The following MAPT variants were observed in gnomAD, a reference collection of about 807,000 sequenced individuals.
The protein encoded by MAPT is microtubule associated protein tau, also known as microtubule-associated protein tau.
A neutral mutation model predicts 67.9 loss-of-function variants in MAPT; 34 were observed. That is an observed-to-expected ratio of 0.50 (90% CI 0.38 to 0.67). The LOEUF is 0.67. MAPT is among the 30% of genes least tolerant of loss of function. The probability of loss-of-function intolerance (pLI) is 0.00; values close to 1 mark genes in which losing one functional copy is unlikely to be tolerated. For synonymous variants in MAPT, 456 were observed against 464.5 expected (o/e 0.98, Z 0.23); for missense variants, 881 against 1,115.2 (o/e 0.79, Z 2.99).
At chr17:45,999,361 G>T in intron 9 of MAPT, 1 of 1,614,014 alleles carries the variant, frequency 6.2e-7, no homozygotes, top group East Asian at 2.2e-5. Flanking sequence ...CATTGAATGC[G>T]GGGTTAATTT....
intron 1 of MAPT, among the ~76,000 whole-genome samples, chr17:45,932,504 C>T (rs1045327472): frequency 1.3e-5 from 2 of 149,104 alleles, no homozygotes; most frequent in Non-Finnish European, 3.0e-5. Flanking sequence ...GCAGGAGAAT[C>T]GCTTGCACCT....
intron 1 of MAPT, among the ~76,000 whole-genome samples, chr17:45,954,243 C>G (rs956762779): frequency 4.6e-5 from 7 of 152,178 alleles, no homozygotes; most frequent in African/African-American, 1.7e-4. Flanking sequence ...TATTTATGCT[C>G]GATGGCTGCT....
chr17:45,896,915 CTG>C lies in MAPT; in HGVS notation c.-18+2230_-18+2231del, dbSNP rs1343087576. On this transcript the variant is annotated intron_variant, in intron 1 of 12. Transcript: ENST00000262410. The surrounding 1 kb of genome is among the most constrained non-coding windows in gnomAD (Gnocchi z 5.6). ...TTCTGGTTAATTCTATCGCTGAAAA[CTG>C]GTGCGGGGGGCGCACTTCTGAGACG... The C allele has an allele frequency of 2.6e-5, 4 of 152,194 alleles. No individual in the cohort carries two copies. The highest frequency in any genetic ancestry group is 9.7e-5 in the African/African-American group (4 of 41,446). 9.4% of individuals were successfully genotyped at this position (152,194 alleles called of 1,614,324 possible).
In MAPT at chr17:45,971,447, G is replaced by A. The variant is rs956217456; in HGVS notation, c.134-412G>A. Among the ~76,000 whole-genome samples the A allele has an allele frequency of 2.6e-5, 4 of 152,184 alleles. No individual in the cohort carries two copies. The highest frequency in any genetic ancestry group is 2.0e-4 in the Admixed American group (3 of 15,284). On this transcript the variant is annotated intron_variant, in intron 2 of 12. Transcript: ENST00000262410. The surrounding 1 kb of genome is among the most constrained non-coding windows in gnomAD (Gnocchi z 4.3). ...CCTTTTCCAAGGAAGGGGTTGGATC[G>A]CTGAGTGTTTTTCCAGGTGTCTACT...
At position 45,978,574 on chromosome 17, in the gene MAPT, A is replaced by G. The variant is rs192337587; in HGVS notation, c.286+134A>G. On this transcript the variant is annotated intron_variant, in intron 4 of 12. Transcript: ENST00000262410. Reference sequence around the variant, plus strand: ...AGGAGATTTTAGGGAGTTGGTTCTTATCAAAGGTTGGCTACTCAGATATAG... The same window carrying G: ...AGGAGATTTTAGGGAGTTGGTTCTTGTCAAAGGTTGGCTACTCAGATATAG... 257 of 697,794 alleles carry G rather than the reference A, an allele frequency of 3.7e-4. 1 individual carries two copies. The East Asian group carries it at 6.7e-3, about 18-fold the overall frequency. 43.2% of individuals were successfully genotyped at this position (697,794 alleles called of 1,614,324 possible).
At position 45,920,169 on chromosome 17, in the gene MAPT, G is replaced by T. The variant is rs943395919; in HGVS notation, c.-18+25483G>T. Reference sequence around the variant, plus strand: ...TCTTTGTACACGTCCGGCGGCTCTGGTGCCTATTTTTGTTTGTGTTTTTCT... The same window carrying T: ...TCTTTGTACACGTCCGGCGGCTCTGTTGCCTATTTTTGTTTGTGTTTTTCT... On this transcript the variant is annotated intron_variant, in intron 1 of 12. Coordinates refer to ENST00000262410, the MANE Select transcript of MAPT (RefSeq NM_001377265.1). Among the ~76,000 whole-genome samples the T allele has an allele frequency of 5.3e-5, 8 of 152,292 alleles. No individual in the cohort carries two copies. In the South Asian group the frequency reaches 1.7e-3, roughly 32 times the overall value.
chr17:45,976,600 TG>T (rs1450659849), intron 3 of MAPT: 3 of 152,424 alleles, frequency 2.0e-5, no homozygotes, highest in African/African-American at 7.2e-5. Context: ...GGGTGCAGTG[TG>T]GCCACCCCCT....
intron 8 of MAPT, among the ~76,000 whole-genome samples, chr17:45,992,492 A>C (rs1255160795): frequency 6.6e-6 from 1 of 152,198 alleles, no homozygotes; most frequent in Non-Finnish European, 1.5e-5. Flanking sequence ...CTGAGCAGTC[A>C]CAGGCTGGGC....
At chr17:46,009,364 T>TGCAGGGACAGAGCCCTCGTA (rs1379895869) in intron 9 of MAPT, among the ~76,000 whole-genome samples, 4 of 114,860 alleles carry the variant, frequency 3.5e-5, no homozygotes, top group Non-Finnish European at 4.6e-5. Flanking sequence ...ATTTCATAGT[T>TGCAGGGACAGAGCCCTCGTA]CTTAGGCAAA....
intron 1 of MAPT, among the ~76,000 whole-genome samples, chr17:45,960,382 G>A (rs928227825): frequency 6.6e-5 from 10 of 152,292 alleles, no homozygotes; most frequent in Non-Finnish European, 1.3e-4. Flanking sequence ...CCTCACTCCC[G>A]TACAGCCCCC....
rs1482688855 is a variant in MAPT, at chr17:45,996,941, C to T, written c.1998+277C>T. On this transcript the variant is annotated intron_variant, in intron 9 of 12. Transcript: ENST00000262410. This position sits in a 1 kb window ranked among gnomAD's most constrained non-coding sequence, Gnocchi z 4.5. ...AGAACGTTCTGGCTCTTCTCTTGCC[C>T]CTTCAGCCCCTGTTAATCGGACAGA... Among the ~76,000 whole-genome samples, 1 of 152,216 alleles carries T rather than the reference C, an allele frequency of 6.6e-6. No individual in the cohort carries two copies. The highest frequency in any genetic ancestry group is 1.5e-5 in the Non-Finnish European group (1 of 68,042).
rs188817542 is a variant in MAPT, at chr17:45,923,651, G to A, written c.-18+28965G>A. The stretch of plus-strand genomic sequence containing the variant: ...ATGCGACCTTGGCCTACCCACTTTA[G>A]CTTTTAGTAATAGCTCCCTTCTTGA... On this transcript the variant is annotated intron_variant, in intron 1 of 12. Transcript: ENST00000262410. Among the ~76,000 whole-genome samples, 706 of 152,312 alleles carry A rather than the reference G, an allele frequency of 4.6e-3. 5 individuals are homozygous for A. Among genetic ancestry groups the A allele is most frequent in the Non-Finnish European group, 7.8e-3 (533 of 68,020 alleles).
At chr17:45,947,284 T>C (rs1040658005) in intron 1 of MAPT, among the ~76,000 whole-genome samples, 1 of 152,086 alleles carries the variant, frequency 6.6e-6, no homozygotes, top group Non-Finnish European at 1.5e-5. Flanking sequence ...AAGCTCAAAG[T>C]TGGGGACCAG....
Position 46,024,635 on chromosome 17 carries a change from G to A in MAPT, c.*464G>A, listed in dbSNP as rs17574005. 5,032 of 239,084 alleles carry A rather than the reference G, an allele frequency of 0.021. 111 individuals are homozygous for A. Among genetic ancestry groups the A allele is most frequent in the South Asian group, 0.056 (1,051 of 18,880 alleles). The allele number at this position is 239,084 out of a possible 1,614,324, so 14.8% of individuals were successfully genotyped here. Reference sequence around the variant, plus strand: ...AAAGGATTTGAAACTTGGTGTGTTCGTGGAGCCACAGGCAGACGATGTCAA... The same window carrying A: ...AAAGGATTTGAAACTTGGTGTGTTCATGGAGCCACAGGCAGACGATGTCAA... On this transcript the variant is annotated 3_prime_UTR_variant, in exon 13 of 13. Transcript: ENST00000262410.
At chr17:45,935,352 C>T (rs867398821) in intron 1 of MAPT, among the ~76,000 whole-genome samples, 8 of 152,224 alleles carry the variant, frequency 5.3e-5, no homozygotes, top group Admixed American at 2.6e-4. Context: ...CTGGCCTCTT[C>T]GCAGCTTCAT....
intron 1 of MAPT, among the ~76,000 whole-genome samples, chr17:45,931,261 A>G (rs570244084): frequency 2.6e-5 from 4 of 152,298 alleles, no homozygotes; most frequent in African/African-American, 9.6e-5. Flanking sequence ...TCACCTATAT[A>G]TGACAAAATG....
At chr17:45,903,847 AT>A (rs1367462968) in intron 1 of MAPT, among the ~76,000 whole-genome samples, 2 of 48,218 alleles carry the variant, frequency 4.1e-5, no homozygotes, top group Non-Finnish European at 8.3e-5. Context: ...TATTTTATAT[AT>A]TATATATTAT....
chr17:45,996,812 T>TC lies in MAPT; in HGVS notation c.1998+148_1998+149insC. 3 of 1,126,006 alleles carry TC rather than the reference T, an allele frequency of 2.7e-6. No homozygotes were observed. The highest frequency in any genetic ancestry group is 2.6e-5 in the East Asian group (1 of 38,746). The allele number at this position is 1,126,006 out of a possible 1,614,324, so 69.8% of individuals were successfully genotyped here. The stretch of plus-strand genomic sequence containing the variant: ...ATGGAGGTGTGGGGCTCCCCGCACC[T>TC]GAGCACCCCCGCATAACACCCCAGT... On this transcript the variant is annotated intron_variant, in intron 9 of 12. Coordinates refer to ENST00000262410, the MANE Select transcript of MAPT (RefSeq NM_001377265.1). This position sits in a 1 kb window ranked among gnomAD's most constrained non-coding sequence, Gnocchi z 4.5.
At position 45,974,210 on chromosome 17, in the gene MAPT, C is replaced by T; in HGVS notation, c.220+2265C>T. 8 of 641,828 alleles carry T rather than the reference C, an allele frequency of 1.2e-5. No homozygotes were observed. The South Asian group carries it at 1.4e-4, about 11-fold the overall frequency. The allele number at this position is 641,828 out of a possible 1,614,324, so 39.8% of individuals were successfully genotyped here. A position where few individuals can be genotyped will look rare whatever the true frequency, so the allele number is the denominator to read the frequency against. ...AACCACTCAGCAGCATGTCAGTGTG[C>T]TTCCTGGGGAGCTGGTAGCAGGGGC... is the stretch of plus-strand genomic sequence containing the variant. On this transcript the variant is annotated intron_variant, in intron 3 of 12. Coordinates refer to ENST00000262410, the MANE Select transcript of MAPT (RefSeq NM_001377265.1).
Sources: gnomAD v4.1 joint callset for allele counts (sites outside exome capture counted in the v4.1 genomes callset) on GRCh38, gnomAD v4.1.1 for gene constraint, Gnocchi (gnomAD v3.1) non-coding constraint, MANE v1.5 for transcripts, NCBI Gene and HGNC (gene_info 2026-07-23, HGNC 2026-07-21) for gene names.